The following TMEM178B variants were observed in gnomAD, a reference collection of about 807,000 sequenced individuals.
The protein encoded by TMEM178B is transmembrane protein 178B.
Under a neutral mutation model 31.0 loss-of-function variants are expected in TMEM178B, and 5 were observed. The observed-to-expected ratio is 0.16, with a 90% CI of 0.08 to 0.34. The LOEUF (loss-of-function observed/expected upper bound fraction) is 0.34. TMEM178B is among the 10% of genes least tolerant of loss of function. The probability of loss-of-function intolerance (pLI) is 1.00; values close to 1 mark genes in which losing one functional copy is unlikely to be tolerated. For missense variants in TMEM178B, 275 were observed against 400.3 expected (o/e 0.69, Z 2.67); for synonymous variants, 164 against 164.0 (o/e 1.00, Z 0.00).
intron 2 of TMEM178B, among the ~76,000 whole-genome samples, chr7:141,287,678 C>A (rs1279894205): frequency 6.6e-6 from 1 of 152,214 alleles, no homozygotes; most frequent in African/African-American, 2.4e-5. Flanking sequence ...CTTTTCAGGT[C>A]TCTGGCATCT....
At chr7:141,207,712 T>A (rs570913582) in intron 1 of TMEM178B, among the ~76,000 whole-genome samples, 1 of 152,258 alleles carries the variant, frequency 6.6e-6, no homozygotes, top group South Asian at 2.1e-4. Flanking sequence ...CCCTGACATA[T>A]GGGCAGGAGG....
intron 2 of TMEM178B, among the ~76,000 whole-genome samples, chr7:141,259,345 A>T (rs1797978595): frequency 6.6e-6 from 1 of 152,210 alleles, no homozygotes; most frequent in Non-Finnish European, 1.5e-5. Flanking sequence ...GTCATACTTT[A>T]AAAATTCATT....
At chr7:141,191,337 C>G (rs1197913871) in intron 1 of TMEM178B, among the ~76,000 whole-genome samples, 1 of 152,208 alleles carries the variant, frequency 6.6e-6, no homozygotes, top group African/African-American at 2.4e-5. Context: ...TCATTTCACA[C>G]CTGTGAAACA....
chr7:141,384,586 G>C (rs1452264966), intron 2 of TMEM178B, among the ~76,000 whole-genome samples: 1 of 152,102 alleles, frequency 6.6e-6, no homozygotes, highest in African/African-American at 2.4e-5. Flanking sequence ...TCTCTGTTTT[G>C]GTACCAGTAC....
chr7:141,085,860 C>T (rs1794776755), intron 1 of TMEM178B, among the ~76,000 whole-genome samples: 1 of 151,918 alleles, frequency 6.6e-6, no homozygotes, highest in African/African-American at 2.4e-5. Context: ...TGCCTGTGGC[C>T]CGGCCCTTCC....
rs1361999042 is a variant in TMEM178B at position 141,249,186 on chromosome 7, T to C, written c.496+36482T>C. 1.3e-5 allele frequency among the ~76,000 whole-genome samples: 2 copies of C among 152,142 alleles called. 1 individual carries two copies. The highest frequency in any genetic ancestry group is 2.9e-5 in the Non-Finnish European group (2 of 68,026). On this transcript the variant is annotated intron_variant, in intron 2 of 3. Transcript: ENST00000565468. ...GTCATGGGACAGACCCAGTGGGAGA[T>C]CGTTGAATCATGGAGGAGGTTTCCC...
intron 2 of TMEM178B, among the ~76,000 whole-genome samples, chr7:141,295,839 C>T (rs1798622490): frequency 6.6e-6 from 1 of 152,112 alleles, no homozygotes; most frequent in Non-Finnish European, 1.5e-5. Context: ...AGAGGTGAAC[C>T]TTTGTCCCCA....
rs560141891 is a variant in TMEM178B at position 141,171,729 on chromosome 7, G to C, written c.383-40862G>C. Reference sequence around the variant, plus strand: ...TCTTAGACAGGGCAGGGGGTAGAGAGGCGACAGTTAAGCAAGGCAGTGTGA... The same window carrying C: ...TCTTAGACAGGGCAGGGGGTAGAGACGCGACAGTTAAGCAAGGCAGTGTGA... On this transcript the variant is annotated intron_variant, in intron 1 of 3. Transcript: ENST00000565468. The surrounding 1 kb of genome is among the most constrained non-coding windows in gnomAD (Gnocchi z 4.3). 6.6e-6 allele frequency among the ~76,000 whole-genome samples: 1 copy of C among 152,186 alleles called. No homozygotes were observed. The highest frequency in any genetic ancestry group is 1.5e-5 in the Non-Finnish European group (1 of 68,040).
intron 1 of TMEM178B, among the ~76,000 whole-genome samples, chr7:141,131,181 A>T (rs921803906): frequency 6.6e-6 from 1 of 152,206 alleles, no homozygotes; most frequent in Admixed American, 6.5e-5. Flanking sequence ...CAGTCCACCC[A>T]ACCTGATATT....
chr7:141,099,612 G>A (rs1795019278), intron 1 of TMEM178B, among the ~76,000 whole-genome samples: 1 of 152,144 alleles, frequency 6.6e-6, no homozygotes, highest in African/African-American at 2.4e-5. Flanking sequence ...TTTGGCACAG[G>A]AGCTTGGTTT....
chr7:141,350,154 G>T (rs558151189), intron 2 of TMEM178B, among the ~76,000 whole-genome samples: 14 of 151,926 alleles, frequency 9.2e-5, no homozygotes, highest in Admixed American at 7.9e-4. Context: ...ACAATGAACC[G>T]AAAAAACACA....
chr7:141,193,523 C>T (rs1436503358), intron 1 of TMEM178B, among the ~76,000 whole-genome samples: 3 of 152,210 alleles, frequency 2.0e-5, no homozygotes, highest in Non-Finnish European at 4.4e-5. Context: ...ACCCACTTGC[C>T]ATCTCTTAGC....
intron 1 of TMEM178B, among the ~76,000 whole-genome samples, chr7:141,137,634 A>G (rs1307975274): frequency 6.6e-6 from 1 of 152,224 alleles, no homozygotes; most frequent in African/African-American, 2.4e-5. Flanking sequence ...ATAGTTAACC[A>G]TAATTTATTG....
At chr7:141,088,608 T>G (rs558274631) in intron 1 of TMEM178B, among the ~76,000 whole-genome samples, 1 of 152,294 alleles carries the variant, frequency 6.6e-6, no homozygotes, top group East Asian at 1.9e-4. Flanking sequence ...CTATTGGATA[T>G]CTCCACTAGG....
At chr7:141,207,771 A>C (rs1796989152) in intron 1 of TMEM178B, among the ~76,000 whole-genome samples, 1 of 152,176 alleles carries the variant, frequency 6.6e-6, no homozygotes, top group Admixed American at 6.5e-5. Flanking sequence ...AAAGTGTCCC[A>C]CCAGTCCAGG....
intron 2 of TMEM178B, among the ~76,000 whole-genome samples, chr7:141,280,378 G>A (rs900027604): frequency 2.0e-5 from 3 of 152,058 alleles, no homozygotes; most frequent in Non-Finnish European, 4.4e-5. Context: ...TGGACCCGTG[G>A]GAGATAACAG....
chr7:141,198,102 T>TA (rs1796813877), intron 1 of TMEM178B, among the ~76,000 whole-genome samples: 1 of 152,368 alleles, frequency 6.6e-6, no homozygotes, highest in South Asian at 2.1e-4. Flanking sequence ...CAGCATTATG[T>TA]AACTCCTTTT....
chr7:141,309,021 T>C (rs1033248446), intron 2 of TMEM178B, among the ~76,000 whole-genome samples: 1 of 152,200 alleles, frequency 6.6e-6, no homozygotes, highest in Non-Finnish European at 1.5e-5. Context: ...AGCCCAGAGC[T>C]TCAGCTTGAA....
chr7:141,084,941 C>T (rs1012039844), intron 1 of TMEM178B, among the ~76,000 whole-genome samples: 12 of 151,938 alleles, frequency 7.9e-5, no homozygotes, highest in Non-Finnish European at 1.3e-4. Context: ...TGCAATGGCA[C>T]GATCTCGGCT....
Sources: allele counts gnomAD v4.1 joint callset (sites outside exome capture counted in the v4.1 genomes callset), GRCh38; gene constraint gnomAD v4.1.1; non-coding constraint Gnocchi (gnomAD v3.1); transcripts MANE v1.5; gene names NCBI Gene and HGNC (gene_info 2026-07-23, HGNC 2026-07-21).